The following GNAQ variants were observed in gnomAD, a reference collection of about 807,000 sequenced individuals.
The protein encoded by GNAQ is G protein subunit alpha q.
In GNAQ, 8 loss-of-function variants were observed where a neutral mutation model predicts 43.9. That is an observed-to-expected ratio of 0.18 (90% confidence interval 0.11 to 0.33). GNAQ has a LOEUF of 0.33. GNAQ is among the 10% of genes least tolerant of loss of function. The pLI is 1.00. For synonymous variants in GNAQ, 155 were observed against 170.7 expected (o/e 0.91, Z 0.71); for missense variants, 158 against 450.8 (o/e 0.35, Z 5.88).
At chr9:77,836,417 A>AG (rs1247861981) in intron 2 of GNAQ, among the ~76,000 whole-genome samples, 1 of 152,240 alleles carries the variant, frequency 6.6e-6, no homozygotes, top group Non-Finnish European at 1.5e-5. Flanking sequence ...TCTTTAGAGC[A>AG]GAAAAAACAC....
chr9:77,854,481 G>A (rs1263392971), intron 2 of GNAQ, among the ~76,000 whole-genome samples: 3 of 152,198 alleles, frequency 2.0e-5, no homozygotes, highest in Non-Finnish European at 4.4e-5. Context: ...GCTCATGCTT[G>A]GGAAGTTATC....
chr9:77,805,700 G>A (rs989019289), intron 3 of GNAQ, among the ~76,000 whole-genome samples: 3 of 152,038 alleles, frequency 2.0e-5, no homozygotes, highest in African/African-American at 7.2e-5. Context: ...CACCGCACCC[G>A]GCCAAAAAGT....
intron 2 of GNAQ, among the ~76,000 whole-genome samples, chr9:77,872,303 T>C (rs1362609218): frequency 2.0e-5 from 3 of 152,180 alleles, no homozygotes; most frequent in African/African-American, 7.2e-5. Flanking sequence ...CAAATTACCA[T>C]TAAACTACTA....
intron 1 of GNAQ, among the ~76,000 whole-genome samples, chr9:77,971,295 C>G (rs1346287000): frequency 6.6e-6 from 1 of 152,176 alleles, no homozygotes; most frequent in Non-Finnish European, 1.5e-5. Context: ...CAGCATCATC[C>G]TGACACCAAA....
chr9:78,011,341 T>G (rs1012527196), intron 1 of GNAQ, among the ~76,000 whole-genome samples: 1 of 152,106 alleles, frequency 6.6e-6, no homozygotes, highest in Non-Finnish European at 1.5e-5. Flanking sequence ...TCAATGAGAT[T>G]CCACCCACCC....
At chr9:77,763,778 T>C (rs1298564683) in intron 5 of GNAQ, among the ~76,000 whole-genome samples, 1 of 152,184 alleles carries the variant, frequency 6.6e-6, no homozygotes, top group Non-Finnish European at 1.5e-5. Context: ...AGCACACTGG[T>C]AATGCAGAGG....
intron 1 of GNAQ, among the ~76,000 whole-genome samples, chr9:77,961,397 T>C (rs2118421419): frequency 6.6e-6 from 1 of 152,228 alleles, no homozygotes; most frequent in Non-Finnish European, 1.5e-5. Flanking sequence ...AGAATGTGCA[T>C]GACAGAATGC....
intron 2 of GNAQ, among the ~76,000 whole-genome samples, chr9:77,833,901 A>C (rs2118559326): frequency 6.6e-6 from 1 of 152,362 alleles, no homozygotes; most frequent in Non-Finnish European, 1.5e-5. Flanking sequence ...ATTTTCTTCC[A>C]ACATGTAGGC....
At chr9:77,732,010 G>A (rs533470105) in intron 5 of GNAQ, among the ~76,000 whole-genome samples, 4 of 152,196 alleles carry the variant, frequency 2.6e-5, no homozygotes, top group Non-Finnish European at 5.9e-5. Context: ...CTGTTATCAA[G>A]CCCCGGACTA....
Position 77,820,087 on chromosome 9 carries a change from CAAA to C in GNAQ, c.322-4320_322-4318del, listed in dbSNP as rs3083136. On this transcript the variant is annotated intron_variant, in intron 2 of 6. Transcript: ENST00000286548. ...TTAAGGCTACTAGTTATTTAAAATG[CAAA>C]AAAAAAAAAAAAAAAAGGAAAAATA... Among the ~76,000 whole-genome samples the C allele has an allele frequency of 5.7e-3, 598 of 104,966 alleles. 3 individuals carry two copies. Among genetic ancestry groups the C allele is most frequent in the East Asian group, 0.055 (191 of 3,498 alleles). 68.9% of individuals were successfully genotyped at this position (104,966 alleles called of 152,430 possible). A position where few individuals can be genotyped will look rare whatever the true frequency, so the allele number is the denominator to read the frequency against.
intron 2 of GNAQ, among the ~76,000 whole-genome samples, chr9:77,840,230 T>G (rs1054689372): frequency 1.3e-5 from 2 of 152,188 alleles, no homozygotes; most frequent in Non-Finnish European, 2.9e-5. Flanking sequence ...TACTTCTAAA[T>G]AGAACATTAC....
At chr9:77,969,451 A>G (rs1276707824) in intron 1 of GNAQ, among the ~76,000 whole-genome samples, 1 of 152,222 alleles carries the variant, frequency 6.6e-6, no homozygotes, top group East Asian at 1.9e-4. Flanking sequence ...GCGACAGCCA[A>G]TTTAACATTT....
At chr9:77,959,384 C>A (rs533024236) in intron 1 of GNAQ, among the ~76,000 whole-genome samples, 126 of 152,170 alleles carry the variant, frequency 8.3e-4, no homozygotes, top group African/African-American at 2.7e-3. Context: ...TTTAGTTCAT[C>A]CTTCATACTT....
chr9:77,985,166 C>A (rs1823419426), intron 1 of GNAQ, among the ~76,000 whole-genome samples: 1 of 152,006 alleles, frequency 6.6e-6, no homozygotes, highest in South Asian at 2.1e-4. Flanking sequence ...AAAAATTAGC[C>A]AGGCATGGTG....
At chr9:78,007,130 G>C (rs1344449169) in intron 1 of GNAQ, among the ~76,000 whole-genome samples, 1 of 152,100 alleles carries the variant, frequency 6.6e-6, no homozygotes, top group Non-Finnish European at 1.5e-5. Flanking sequence ...TTTCAAGATA[G>C]GTGACATTTG....
intron 2 of GNAQ, among the ~76,000 whole-genome samples, chr9:77,863,220 G>GAGGA (rs1418039583): frequency 2.9e-4 from 10 of 34,262 alleles, no homozygotes; most frequent in African/African-American, 5.7e-4. Context: ...GGAAGGAAGG[G>GAGGA]AGGAAGGAAG....
At chr9:77,864,876 T>C (rs1564134308) in intron 2 of GNAQ, among the ~76,000 whole-genome samples, 1 of 152,200 alleles carries the variant, frequency 6.6e-6, no homozygotes, top group Non-Finnish European at 1.5e-5. Context: ...TGAAATCTCC[T>C]TGGTGGTTTC....
At chr9:77,886,068 C>G (rs1828300826) in intron 2 of GNAQ, among the ~76,000 whole-genome samples, 1 of 152,148 alleles carries the variant, frequency 6.6e-6, no homozygotes, top group South Asian at 2.1e-4. Context: ...CCTCCACCTC[C>G]TGGGTTCAAG....
chr9:77,996,649 G>T (rs1299839951), intron 1 of GNAQ, among the ~76,000 whole-genome samples: 1 of 130,678 alleles, frequency 7.7e-6, no homozygotes, highest in East Asian at 2.1e-4. Flanking sequence ...CTGCATTCCA[G>T]CCCGGACAAC....
Sources: gnomAD v4.1 joint callset for allele counts (sites outside exome capture counted in the v4.1 genomes callset) on GRCh38, gnomAD v4.1.1 for gene constraint, MANE v1.5 for transcripts, NCBI Gene and HGNC (gene_info 2026-07-23, HGNC 2026-07-21) for gene names.